The following TP63 variants were observed in gnomAD, a reference collection of about 807,000 sequenced individuals.
TP63 encodes tumor protein 63.
TP63 carries 17 observed loss-of-function variants against 82.8 expected under a neutral mutation model. The ratio of observed to expected loss-of-function variants is 0.21; its 90% confidence interval spans 0.14 to 0.31. The LOEUF (loss-of-function observed/expected upper bound fraction) is 0.31. TP63 is among the 10% of genes least tolerant of loss of function. The pLI is 1.00. For missense variants in TP63, 648 were observed against 895.3 expected, an observed-to-expected ratio of 0.72 and a Z score of 3.52; for synonymous variants, 330 against 321.7, an observed-to-expected ratio of 1.03 and a Z score of -0.28.
intron 1 of TP63, among the ~76,000 whole-genome samples, chr3:189,656,983 T>C (rs948835642): frequency 4.1e-5 from 6 of 148,090 alleles, no homozygotes; most frequent in Non-Finnish European, 8.9e-5. Flanking sequence ...AATGAAATAT[T>C]ACTCAGCAAA....
the TP63 span, among the ~76,000 whole-genome samples, chr3:189,620,906 G>T: frequency 6.6e-6 from 1 of 152,140 alleles, no homozygotes; most frequent in African/African-American, 2.4e-5. Flanking sequence ...CAGTTCATCA[G>T]GAAATTGAGA....
At chr3:189,709,348 A>G (rs1356426465) in intron 1 of TP63, among the ~76,000 whole-genome samples, 1 of 152,124 alleles carries the variant, frequency 6.6e-6, no homozygotes, top group Non-Finnish European at 1.5e-5. Context: ...GCTTTGCTTC[A>G]TGGAACTTTA....
chr3:189,772,296 A>G (rs566893162), intron 3 of TP63, among the ~76,000 whole-genome samples: 1 of 152,340 alleles, frequency 6.6e-6, no homozygotes, highest in Non-Finnish European at 1.5e-5. Context: ...TTTACCAATA[A>G]GGACACTGAA....
At chr3:189,774,211 C>G (rs1324451984) in intron 3 of TP63, among the ~76,000 whole-genome samples, 5 of 152,092 alleles carry the variant, frequency 3.3e-5, no homozygotes, top group Non-Finnish European at 5.9e-5. Context: ...CGTGAGCCAC[C>G]ACGCCCGGCC....
intron 3 of TP63, among the ~76,000 whole-genome samples, chr3:189,773,124 C>G (rs1172592876): frequency 6.6e-6 from 1 of 152,152 alleles, no homozygotes; most frequent in Non-Finnish European, 1.5e-5. Context: ...AGCAATCGCT[C>G]TAAAAGTTAT....
At chr3:189,746,073 A>G (rs1465714621) in intron 3 of TP63, among the ~76,000 whole-genome samples, 1 of 152,138 alleles carries the variant, frequency 6.6e-6, no homozygotes, top group East Asian at 1.9e-4. Flanking sequence ...GAACTCTCCA[A>G]ATAGACACAG....
intron 1 of TP63, among the ~76,000 whole-genome samples, chr3:189,641,399 T>C (rs1171883776): frequency 1.3e-5 from 2 of 152,144 alleles, no homozygotes; most frequent in African/African-American, 4.8e-5. Flanking sequence ...AAAGTAATTG[T>C]GACTTGCTAC....
chr3:189,773,745 ATG>A (rs1020502578), intron 3 of TP63, among the ~76,000 whole-genome samples: 2 of 151,762 alleles, frequency 1.3e-5, no homozygotes, highest in African/African-American at 4.8e-5. Context: ...AGTTTATGTC[ATG>A]TGAGGGTATT....
chr3:189,841,387 T>C (rs1714094263), intron 4 of TP63, among the ~76,000 whole-genome samples: 1 of 152,166 alleles, frequency 6.6e-6, no homozygotes, highest in African/African-American at 2.4e-5. Flanking sequence ...GGGTGAGTGA[T>C]GGTGTCATTT....
chr3:189,651,363 T>C (rs1355133504), intron 1 of TP63, among the ~76,000 whole-genome samples: 2 of 145,818 alleles, frequency 1.4e-5, no homozygotes, highest in African/African-American at 5.2e-5. Flanking sequence ...CTGGCCAACA[T>C]GGTGAAATCC....
At chr3:189,629,816 A>AT (rs1379059572), upstream of TP63, among the ~76,000 whole-genome samples, 12 of 152,214 alleles carry the variant, frequency 7.9e-5, no homozygotes, top group Non-Finnish European at 2.9e-5. Context: ...GAAATTGATT[A>AT]TTTTTAATTT....
chr3:189,621,582 TA>T, the TP63 span, among the ~76,000 whole-genome samples: 4 of 48,388 alleles, frequency 8.3e-5, no homozygotes, highest in African/African-American at 1.5e-4. Context: ...AATATATACA[TA>T]TACACATATA....
chr3:189,776,652 G>A (rs1723827923), intron 3 of TP63, among the ~76,000 whole-genome samples: 1 of 152,214 alleles, frequency 6.6e-6, no homozygotes, highest in Non-Finnish European at 1.5e-5. Context: ...AAATGTAAAT[G>A]TTAGTCTCAG....
chr3:189,784,468 T>C (rs1724449555), intron 3 of TP63, among the ~76,000 whole-genome samples: 1 of 152,098 alleles, frequency 6.6e-6, no homozygotes, highest in South Asian at 2.1e-4. Context: ...TCTATCTGCA[T>C]TTCAGTGTCT....
In TP63 at chr3:189,896,003, T is replaced by A. The variant is rs1721438837; in HGVS notation, c.*1501T>A. 1 of 229,596 alleles carries A rather than the reference T, an allele frequency of 4.4e-6. No homozygotes were observed. Among genetic ancestry groups the A allele is most frequent in the African/African-American group, 2.2e-5 (1 of 45,144 alleles). 14.2% of individuals were successfully genotyped at this position (229,596 alleles called of 1,614,324 possible). A position where few individuals can be genotyped will look rare whatever the true frequency, so the allele number is the denominator to read the frequency against. On this transcript the variant is annotated 3_prime_UTR_variant, in exon 14 of 14. Coordinates refer to ENST00000264731, the MANE Select transcript of TP63 (RefSeq NM_003722.5). ...CAAGAGATAAGTCTTTCATGGCTGC[T>A]GTTGCTTAAACCACTTAAACGAAGA...
intron 3 of TP63, among the ~76,000 whole-genome samples, chr3:189,744,889 C>T (rs971715717): frequency 6.6e-6 from 1 of 152,208 alleles, no homozygotes; most frequent in Non-Finnish European, 1.5e-5. Flanking sequence ...CAGCCCACTA[C>T]TGCTACTGCA....
At chr3:189,789,724 G>T in intron 3 of TP63, 2 of 1,318,880 alleles carry the variant, frequency 1.5e-6, no homozygotes, top group Non-Finnish European at 2.0e-6. Flanking sequence ...ATATTGTAAG[G>T]GTCTCGGGGT....
At chr3:189,635,814 A>C (rs1166089806) in intron 1 of TP63, among the ~76,000 whole-genome samples, 1 of 152,126 alleles carries the variant, frequency 6.6e-6, no homozygotes, top group Non-Finnish European at 1.5e-5. Flanking sequence ...GGATCATGAC[A>C]ACTACACACA....
chr3:189,834,922 G>A (rs1436281374), intron 4 of TP63, among the ~76,000 whole-genome samples: 2 of 138,324 alleles, frequency 1.4e-5, no homozygotes, highest in African/African-American at 2.6e-5. Flanking sequence ...AATGTCAAAC[G>A]GTACATTTTT....
Sources: allele counts gnomAD v4.1 joint callset (sites outside exome capture counted in the v4.1 genomes callset), GRCh38; gene constraint gnomAD v4.1.1; transcripts MANE v1.5; gene names NCBI Gene and HGNC (gene_info 2026-07-23, HGNC 2026-07-21).